Variants in MTMR9 observed in about 807,000 individuals in gnomAD.
MTMR9 encodes the protein myotubularin related protein 9, also known as myotubularin-related protein 9.
Under a neutral mutation model 69.5 loss-of-function variants are expected in MTMR9, and 39 were observed. That is an observed-to-expected ratio of 0.56 (90% CI 0.43 to 0.73). The LOEUF (loss-of-function observed/expected upper bound fraction) is 0.73, where lower values mean the gene tolerates loss of function less well. Among genes scored for constraint, MTMR9 ranks in the 30% least tolerant of loss-of-function variants. The pLI is 0.00. For synonymous variants in MTMR9, 354 were observed against 240.8 expected (o/e 1.47, Z -4.35); for missense variants, 900 against 671.2 (o/e 1.34, Z -3.77).
chr8:11,297,852 G>A (rs749785064), intron 2 of MTMR9: 15 of 456,098 alleles, frequency 3.3e-5, no homozygotes, highest in South Asian at 1.1e-4. Flanking sequence ...TTCTTACAGC[G>A]TAGTGATTAA....
intron 1 of MTMR9, among the ~76,000 whole-genome samples, chr8:11,287,391 G>C (rs550867842): frequency 2.0e-5 from 3 of 152,252 alleles, no homozygotes; most frequent in Non-Finnish European, 2.9e-5. Flanking sequence ...AGAAGAAGCA[G>C]ATGAGCCATG....
At chr8:11,315,594 G>A (rs1800383757) in intron 7 of MTMR9, among the ~76,000 whole-genome samples, 1 of 152,122 alleles carries the variant, frequency 6.6e-6, no homozygotes, top group Admixed American at 6.5e-5. Flanking sequence ...TGTGTAAGCT[G>A]GTAAATAATT....
At chr8:11,316,376 T>A (rs2117445387) in intron 7 of MTMR9, 1 of 214,034 alleles carries the variant, frequency 4.7e-6, no homozygotes. Flanking sequence ...ATTTTGTAAG[T>A]TTATTATTGC....
the MTMR9 span, among the ~76,000 whole-genome samples, chr8:11,338,105 A>G: frequency 6.6e-6 from 1 of 152,230 alleles, no homozygotes; most frequent in Non-Finnish European, 1.5e-5. Context: ...TGATTTGGAG[A>G]CACTGTCCCA....
chr8:11,336,841 A>G, the MTMR9 span, among the ~76,000 whole-genome samples: 2 of 152,164 alleles, frequency 1.3e-5, no homozygotes, highest in African/African-American at 4.8e-5. Flanking sequence ...GGACTTGCTC[A>G]AGCACCATCC....
rs748989990 is a variant in MTMR9 at position 11,295,298 on chromosome 8, T to C, written c.287T>C (p.Ile96Thr). 9.6e-6 allele frequency: 15 copies of C among 1,560,658 alleles called. No homozygotes were observed. Among genetic ancestry groups the C allele is most frequent in the East Asian group, 2.3e-5 (1 of 44,422 alleles). Residue 96 changes from isoleucine (I) to threonine (T), a missense_variant, in exon 2 of 10, where the codon ATT becomes ACT. Coordinates refer to ENST00000221086, the MANE Select transcript of MTMR9 (RefSeq NM_015458.4). The part of the protein sequence containing the change: ...MEECLNIASS[I>T]EALSTLDSIT... ...GAATGCTTGAATATAGCCAGTTCCA[T>C]TGAGGTAAGTATTTTGGAAGCAAAA...
At position 11,296,542 on chromosome 8, in the gene MTMR9, C is replaced by G. The variant is rs559309461; in HGVS notation, c.291+1240C>G. The stretch of plus-strand genomic sequence containing the variant: ...CTGTGTTAAACAACACCCCATTTTC[C>G]CCTCTCTCCAGCTCCTGAGAACCCC... On this transcript the variant is annotated intron_variant, in intron 2 of 9. Transcript: ENST00000221086. Among the ~76,000 whole-genome samples the G allele has an allele frequency of 2.6e-5, 4 of 152,248 alleles. No homozygotes were observed. The East Asian group carries it at 7.7e-4, about 29-fold the overall frequency.
chr8:11,306,411 A>C lies in MTMR9; in HGVS notation c.809+4A>C, dbSNP rs1459443689. 4 of 1,612,280 alleles carry C rather than the reference A, an allele frequency of 2.5e-6. No individual in the cohort carries two copies. In the East Asian group the frequency reaches 8.9e-5, roughly 36 times the overall value. On this transcript the variant is annotated splice_donor_region_variant and intron_variant, in intron 5 of 9. Coordinates refer to ENST00000221086, the MANE Select transcript of MTMR9 (RefSeq NM_015458.4). ...GAATTCATAAGTCCATTGAGAGGTA[A>C]AAGATTCCAAAGATAGTACAGACTC...
chr8:11,330,493 A>C (rs1423840387), downstream of MTMR9, among the ~76,000 whole-genome samples: 2 of 152,156 alleles, frequency 1.3e-5, no homozygotes, highest in East Asian at 3.9e-4. Flanking sequence ...AAAGGTGGGG[A>C]AAAGATAGAG....
chr8:11,309,163 A>C (rs986382895), intron 5 of MTMR9, among the ~76,000 whole-genome samples: 4 of 152,140 alleles, frequency 2.6e-5, no homozygotes, highest in Non-Finnish European at 5.9e-5. Flanking sequence ...TGCTGATGGC[A>C]CTGGGTCTCT....
rs185194805 is a variant in MTMR9, at chr8:11,304,695, A to G, written c.418-146A>G. On this transcript the variant is annotated intron_variant, in intron 3 of 9. Transcript: ENST00000221086. ...GCTCCTTTTCTCTGCAGCTACTTAC[A>G]TATAAGCTAGAGATCCACCTGTGAA... is the stretch of plus-strand genomic sequence containing the variant. 3.7e-4 allele frequency: 276 copies of G among 749,660 alleles called. 1 individual carries two copies. The African/African-American group carries it at 4.4e-3, about 12-fold the overall frequency. 46.4% of individuals were successfully genotyped at this position (749,660 alleles called of 1,614,324 possible).
chr8:11,306,399 C>T lies in MTMR9; in HGVS notation c.801C>T (p.Ser267=), dbSNP rs1362484439. 1 of 1,613,574 alleles carries T rather than the reference C, an allele frequency of 6.2e-7. No individual in the cohort carries two copies. The highest frequency in any genetic ancestry group is 8.5e-7 in the Non-Finnish European group (1 of 1,179,704). ...CTCAGTGGAGGCGAATTCATAAGTC[C>T]ATTGAGAGGTAAAAGATTCCAAAGA... The part of the protein sequence containing the change: ...HYPQWRRIHK[S]IERYHILQES... Residue 267 remains serine, a synonymous_variant, in exon 5 of 10, where the codon TCC becomes TCT. Coordinates refer to ENST00000221086, the MANE Select transcript of MTMR9 (RefSeq NM_015458.4).
intron 2 of MTMR9, chr8:11,298,718 G>GAA: frequency 2.5e-6 from 2 of 798,990 alleles, no homozygotes; most frequent in Non-Finnish European, 2.9e-6. Flanking sequence ...TTTCCCCGCT[G>GAA]CACCCCCCCC....
intron 2 of MTMR9, among the ~76,000 whole-genome samples, chr8:11,296,451 T>A (rs1483427675): frequency 6.6e-6 from 1 of 152,196 alleles, no homozygotes; most frequent in Non-Finnish European, 1.5e-5. Context: ...TAGTAGGGTA[T>A]AAAACTTTAT....
chr8:11,311,154 A>G lies in MTMR9; in HGVS notation c.971+1466A>G, dbSNP rs1800181449. 2.6e-5 allele frequency among the ~76,000 whole-genome samples: 4 copies of G among 152,214 alleles called. 1 individual carries two copies. The highest frequency in any genetic ancestry group is 2.6e-4 in the Admixed American group (4 of 15,280). The stretch of plus-strand genomic sequence containing the variant: ...GCAATATACACAGAAGCCTTAAAGT[A>G]CATGCTCATCCCCTTCAGCCTAGTC... On this transcript the variant is annotated intron_variant, in intron 6 of 9. Coordinates refer to ENST00000221086, the MANE Select transcript of MTMR9 (RefSeq NM_015458.4).
chr8:11,330,795 C>G (rs565038520), downstream of MTMR9: 573 of 460,262 alleles, frequency 1.2e-3, 3 homozygotes, highest in African/African-American at 0.011. Context: ...GCCGCAGGGT[C>G]CTCTGCCTAG....
intron 6 of MTMR9, among the ~76,000 whole-genome samples, chr8:11,311,362 T>G (rs1800190423): frequency 6.6e-6 from 1 of 152,200 alleles, no homozygotes; most frequent in African/African-American, 2.4e-5. Flanking sequence ...AAATTGCAGT[T>G]CATCACTTAA....
At position 11,326,961 on chromosome 8, in the gene MTMR9, C is replaced by A; in HGVS notation, c.*4173C>A. On this transcript the variant is annotated 3_prime_UTR_variant, in exon 10 of 10. Coordinates refer to ENST00000221086, the MANE Select transcript of MTMR9 (RefSeq NM_015458.4). Reference sequence around the variant, plus strand: ...CTCCAGCCTGGGCGAAAGGGCAAGACTCCATCTCAAAAAAAAAAAAAAAAA... The same window carrying A: ...CTCCAGCCTGGGCGAAAGGGCAAGAATCCATCTCAAAAAAAAAAAAAAAAA... The A allele has an allele frequency of 8.0e-6, 1 of 124,430 alleles. No homozygotes were observed. The allele number at this position is 124,430 out of a possible 1,614,324, so 7.7% of individuals were successfully genotyped here. A position where few individuals can be genotyped will look rare whatever the true frequency, so the allele number is the denominator to read the frequency against.
intron 7 of MTMR9, 195 bp from the exon 8 acceptor site, chr8:11,316,478 G>C: frequency 2.3e-6 from 1 of 431,084 alleles, no homozygotes. Flanking sequence ...GGATTTGGAA[G>C]TGTGTCTTTT....
Sources: gnomAD v4.1 joint callset for allele counts (sites outside exome capture counted in the v4.1 genomes callset) on GRCh38, gnomAD v4.1.1 for gene constraint, MANE v1.5 for transcripts, NCBI Gene and HGNC (gene_info 2026-07-23, HGNC 2026-07-21) for gene names.